The following DNM3 variants were observed in gnomAD, a reference collection of about 807,000 sequenced individuals.
The protein encoded by DNM3 is dynamin-3.
Under a neutral mutation model 101.6 loss-of-function variants are expected in DNM3, and 47 were observed. That is an observed-to-expected ratio of 0.46 (90% CI 0.37 to 0.59). The LOEUF (loss-of-function observed/expected upper bound fraction) is 0.59, where lower values mean the gene tolerates loss of function less well. Ranked by LOEUF, DNM3 falls within the 20% of genes least tolerant of loss-of-function variation. DNM3 has a pLI of 0.00. For synonymous variants in DNM3, 385 were observed against 387.9 expected, an observed-to-expected ratio of 0.99 and a Z score of 0.09; for missense variants, 849 against 1,085.7, an observed-to-expected ratio of 0.78 and a Z score of 3.06.
intron 9 of DNM3, among the ~76,000 whole-genome samples, chr1:172,046,419 G>C (rs868471164): frequency 1.2e-4 from 19 of 152,146 alleles, no homozygotes; most frequent in Admixed American, 3.3e-4. Flanking sequence ...GTGGGAGTAG[G>C]GGGGAGGGAT....
intron 15 of DNM3, among the ~76,000 whole-genome samples, chr1:172,292,932 T>C (rs940657147): frequency 2.6e-5 from 4 of 152,162 alleles, no homozygotes; most frequent in Non-Finnish European, 5.9e-5. Context: ...CATCCAGATA[T>C]CATGATTGGG....
chr1:172,329,980 C>T (rs1265572802), intron 17 of DNM3, among the ~76,000 whole-genome samples: 2 of 152,110 alleles, frequency 1.3e-5, no homozygotes, highest in Admixed American at 6.6e-5. Context: ...GAAAGAAGGT[C>T]GTGTGATAGG....
chr1:171,937,560 C>T (rs1034700916), intron 2 of DNM3, among the ~76,000 whole-genome samples: 2 of 151,998 alleles, frequency 1.3e-5, no homozygotes, highest in African/African-American at 4.8e-5. Context: ...GGCCCAGAGA[C>T]CTGCTTTATT....
chr1:172,313,798 T>A (rs898603075), intron 16 of DNM3, among the ~76,000 whole-genome samples: 8 of 152,114 alleles, frequency 5.3e-5, no homozygotes, highest in Non-Finnish European at 1.0e-4. Flanking sequence ...ATTTATTTAC[T>A]TACTTATTTT....
At chr1:172,041,911 C>A in intron 7 of DNM3, 98 bp from the exon 8 acceptor site, 1 of 1,395,140 alleles carries the variant, frequency 7.2e-7, no homozygotes, top group Non-Finnish European at 9.6e-7. Flanking sequence ...CTAAGAGCAC[C>A]TGGAAAAGGA....
At chr1:171,876,078 G>T (rs1364444327) in intron 1 of DNM3, among the ~76,000 whole-genome samples, 1 of 151,922 alleles carries the variant, frequency 6.6e-6, no homozygotes, top group Non-Finnish European at 1.5e-5. Flanking sequence ...CAAAGTCCTG[G>T]GATTACAGGC....
At chr1:172,319,582 G>A (rs1045767097) in intron 16 of DNM3, among the ~76,000 whole-genome samples, 10 of 152,204 alleles carry the variant, frequency 6.6e-5, no homozygotes, top group African/African-American at 2.4e-4. Context: ...GATATGAACA[G>A]ACACTTCTGA....
chr1:172,344,351 GTCT>G (rs1481168698), intron 17 of DNM3, among the ~76,000 whole-genome samples: 1 of 152,148 alleles, frequency 6.6e-6, no homozygotes, highest in Non-Finnish European at 1.5e-5. Context: ...AGAAGGTATT[GTCT>G]TCTATTCTCG....
chr1:172,158,597 G>A (rs2058431240), intron 14 of DNM3, among the ~76,000 whole-genome samples: 1 of 151,896 alleles, frequency 6.6e-6, no homozygotes, highest in Non-Finnish European at 1.5e-5. Flanking sequence ...GAGGACTTTT[G>A]GTTTCTACTG....
chr1:172,320,781 G>C (rs2586419), intron 16 of DNM3, among the ~76,000 whole-genome samples: 11,139 of 152,184 alleles, frequency 0.073, 472 homozygotes, highest in African/African-American at 0.1. Context: ...CGGTTAGTCA[G>C]GAGTGAGCAG....
At chr1:172,050,881 CTT>C (rs140391349) in intron 10 of DNM3, among the ~76,000 whole-genome samples, 6 of 149,316 alleles carry the variant, frequency 4.0e-5, no homozygotes, top group Non-Finnish European at 6.0e-5. Flanking sequence ...ATGCATGAAT[CTT>C]TTTTTTTTAT....
At chr1:172,150,712 A>T (rs755869413) in intron 14 of DNM3, among the ~76,000 whole-genome samples, 2 of 152,180 alleles carry the variant, frequency 1.3e-5, no homozygotes, top group Non-Finnish European at 2.9e-5. Flanking sequence ...ACAGCTTGTT[A>T]TGATGCTTCC....
Position 172,388,946 on chromosome 1 carries a change from C to G in DNM3, c.2522+137C>G, listed in dbSNP as rs140597325. The G allele has an allele frequency of 4.7e-4, 361 of 770,252 alleles. 1 individual carries two copies. The African/African-American group carries it at 5.2e-3, about 11-fold the overall frequency. The allele number at this position is 770,252 out of a possible 1,614,324, so 47.7% of individuals were successfully genotyped here. On this transcript the variant is annotated intron_variant, in intron 20 of 20. Coordinates refer to ENST00000627582, the MANE Select transcript of DNM3 (RefSeq NM_015569.5). ...TTGCAGTTTTCACAATGAACAGAGA[C>G]TATAGGAAAATTGCCAACCCTGTTA...
chr1:172,267,405 G>A (rs1361589786), intron 15 of DNM3, among the ~76,000 whole-genome samples: 1 of 152,186 alleles, frequency 6.6e-6, no homozygotes, highest in Non-Finnish European at 1.5e-5. Flanking sequence ...CAAGTGGGAT[G>A]AAAATGGAAA....
At chr1:172,213,433 T>C (rs1265039051) in intron 14 of DNM3, among the ~76,000 whole-genome samples, 1 of 149,718 alleles carries the variant, frequency 6.7e-6, no homozygotes, top group Non-Finnish European at 1.5e-5. Context: ...ACATTCAGTT[T>C]GTGGAAATTA....
At chr1:171,913,165 A>G (rs1035763325) in intron 1 of DNM3, among the ~76,000 whole-genome samples, 2 of 152,238 alleles carry the variant, frequency 1.3e-5, no homozygotes, top group African/African-American at 4.8e-5. Flanking sequence ...TAAATGTTTC[A>G]GTGGGAACCA....
In DNM3 at chr1:172,396,895, G is replaced by A. The variant is rs567641070; in HGVS notation, c.2522+8086G>A. ...TGAGAAAGACTTTTAAAGGCATTTC[G>A]CAGTCCAGAGAGTCTGCAATGAAAT... is the stretch of plus-strand genomic sequence containing the variant. On this transcript the variant is annotated intron_variant, in intron 20 of 20. Coordinates refer to ENST00000627582, the MANE Select transcript of DNM3 (RefSeq NM_015569.5). Among the ~76,000 whole-genome samples the A allele has an allele frequency of 1.4e-4, 22 of 152,170 alleles. No homozygotes were observed. The South Asian group carries it at 2.7e-3, about 19-fold the overall frequency.
At chr1:172,081,411 A>C (rs2053136582) in intron 11 of DNM3, among the ~76,000 whole-genome samples, 1 of 152,232 alleles carries the variant, frequency 6.6e-6, no homozygotes, top group Non-Finnish European at 1.5e-5. Flanking sequence ...GAGGTGAATT[A>C]CTAATTTGTG....
At chr1:172,277,192 A>G (rs1382466350) in intron 15 of DNM3, among the ~76,000 whole-genome samples, 2 of 152,068 alleles carry the variant, frequency 1.3e-5, no homozygotes, top group Non-Finnish European at 2.9e-5. Context: ...TAGTATAACA[A>G]ATGAGATTTC....
Sources: gnomAD v4.1 joint callset for allele counts (sites outside exome capture counted in the v4.1 genomes callset) on GRCh38, gnomAD v4.1.1 for gene constraint, MANE v1.5 for transcripts, NCBI Gene and HGNC (gene_info 2026-07-23, HGNC 2026-07-21) for gene names.